The following LDB2 variants were observed in gnomAD, a reference collection of about 807,000 sequenced individuals.
LDB2 encodes LIM domain binding 2.
In LDB2, 12 loss-of-function variants were observed where a neutral mutation model predicts 44.3. The observed-to-expected ratio is 0.27, with a 90% CI of 0.17 to 0.44. The LOEUF is 0.44. Ranked by LOEUF, LDB2 falls within the 20% of genes least tolerant of loss-of-function variation. The probability of loss-of-function intolerance (pLI) is 1.00; values close to 1 mark genes in which losing one functional copy is unlikely to be tolerated. For missense variants in LDB2, 344 were observed against 473.5 expected (o/e 0.73, Z 2.54); for synonymous variants, 164 against 174.8 (o/e 0.94, Z 0.49).
intron 2 of LDB2, among the ~76,000 whole-genome samples, chr4:16,683,269 T>C (rs1161167232): frequency 6.6e-6 from 1 of 152,256 alleles, no homozygotes; most frequent in Non-Finnish European, 1.5e-5. Flanking sequence ...TAGGCGTACT[T>C]CCTGCCTTAA....
intron 1 of LDB2, among the ~76,000 whole-genome samples, chr4:16,868,539 A>T (rs754251804): frequency 2.0e-5 from 3 of 152,186 alleles, no homozygotes; most frequent in Non-Finnish European, 2.9e-5. Context: ...TGGTGGCAGA[A>T]TCTTAAGGCA....
chr4:16,645,522 C>T (rs1736524831), intron 2 of LDB2, among the ~76,000 whole-genome samples: 1 of 116,800 alleles, frequency 8.6e-6, no homozygotes, highest in African/African-American at 3.3e-5. Flanking sequence ...CCGGCCTGGG[C>T]GACAGAGCGA....
chr4:16,820,133 G>C (rs1781667081), intron 1 of LDB2, among the ~76,000 whole-genome samples: 1 of 152,106 alleles, frequency 6.6e-6, no homozygotes, highest in Non-Finnish European at 1.5e-5. Context: ...GGACTTTTGG[G>C]GAAAATGTAA....
intron 2 of LDB2, among the ~76,000 whole-genome samples, chr4:16,752,062 G>A (rs1244150405): frequency 2.0e-5 from 3 of 152,152 alleles, no homozygotes; most frequent in East Asian, 3.8e-4. Flanking sequence ...ATGGTCCAGG[G>A]TCATCTGAGA....
chr4:16,773,907 C>A (rs1281439373), intron 1 of LDB2, among the ~76,000 whole-genome samples: 1 of 150,578 alleles, frequency 6.6e-6, no homozygotes, highest in Non-Finnish European at 1.5e-5. Context: ...GTAATCCCAG[C>A]ACTTTGGGAG....
chr4:16,585,849 G>A (rs1193730199), intron 5 of LDB2, 73 bp downstream of exon 5: 1 of 1,126,124 alleles, frequency 8.9e-7, no homozygotes, highest in African/African-American at 1.5e-5. Flanking sequence ...TAACTTCTTG[G>A]TTCAGGATGC....
intron 2 of LDB2, among the ~76,000 whole-genome samples, chr4:16,690,513 GGGA>G: frequency 4.7e-5 from 1 of 21,302 alleles, no homozygotes; most frequent in African/African-American, 1.3e-4. Flanking sequence ...GAGGGAGGGA[GGGA>G]GGGGGGAGGG....
intron 5 of LDB2, among the ~76,000 whole-genome samples, chr4:16,546,164 A>G (rs903668788): frequency 6.6e-6 from 1 of 152,214 alleles, no homozygotes; most frequent in African/African-American, 2.4e-5. Flanking sequence ...CCTTGGGATC[A>G]GTTTGATGCA....
At chr4:16,522,257 C>G (rs964786220) in intron 5 of LDB2, among the ~76,000 whole-genome samples, 2 of 91,338 alleles carry the variant, frequency 2.2e-5, no homozygotes, top group Admixed American at 1.0e-4. Flanking sequence ...TATAGATATT[C>G]CCCGCCGTGT....
chr4:16,655,520 G>T (rs1197678640), intron 2 of LDB2, among the ~76,000 whole-genome samples: 1 of 152,138 alleles, frequency 6.6e-6, no homozygotes, highest in Non-Finnish European at 1.5e-5. Context: ...ACAATCGTCC[G>T]TTACACAAAT....
chr4:16,766,444 G>A (rs1769235287), intron 1 of LDB2, among the ~76,000 whole-genome samples: 1 of 147,286 alleles, frequency 6.8e-6, no homozygotes, highest in Non-Finnish European at 1.5e-5. Context: ...ATGTATGTGT[G>A]TGTATATATA....
intron 1 of LDB2, among the ~76,000 whole-genome samples, chr4:16,878,394 T>A (rs1158297412): frequency 6.6e-6 from 1 of 152,192 alleles, no homozygotes; most frequent in Non-Finnish European, 1.5e-5. Context: ...CCACTTATAC[T>A]CAACACCTTC....
Position 16,663,562 on chromosome 4 carries a change from G to A in LDB2, c.236-67687C>T, listed in dbSNP as rs943224851. The stretch of plus-strand genomic sequence containing the variant: ...TGACATGTGCAAATATAATTTGGAT[G>A]GTTTTGTTTCAAAGCACAATGCATG... On this transcript the variant is annotated intron_variant, in intron 2 of 7. Coordinates refer to ENST00000304523, the MANE Select transcript of LDB2 (RefSeq NM_001290.5). Among the ~76,000 whole-genome samples, 4 of 152,166 alleles carry A rather than the reference G, an allele frequency of 2.6e-5. No individual in the cohort carries two copies. The East Asian group carries it at 7.7e-4, about 29-fold the overall frequency.
At chr4:16,748,130 C>G (rs1250922319) in intron 2 of LDB2, among the ~76,000 whole-genome samples, 1 of 152,088 alleles carries the variant, frequency 6.6e-6, no homozygotes, top group Non-Finnish European at 1.5e-5. Context: ...GCTTTATCAC[C>G]AGGCTCCCAG....
At chr4:16,659,671 G>GTGTGTATA (rs1315288524) in intron 2 of LDB2, among the ~76,000 whole-genome samples, 13 of 133,512 alleles carry the variant, frequency 9.7e-5, no homozygotes, top group African/African-American at 3.0e-4. Context: ...ATCTATGTGT[G>GTGTGTATA]TATATATATA....
chr4:16,710,814 G>C (rs756430369), intron 2 of LDB2, among the ~76,000 whole-genome samples: 34 of 152,118 alleles, frequency 2.2e-4, no homozygotes, highest in Non-Finnish European at 1.2e-4. Context: ...CCAGCCCACT[G>C]TTTACTGCCC....
intron 1 of LDB2, among the ~76,000 whole-genome samples, chr4:16,812,582 T>TTATATATATATATATATA (rs6148319): frequency 1.7e-3 from 199 of 115,516 alleles, no homozygotes; most frequent in African/African-American, 5.3e-3. Flanking sequence ...ATCAATGAAA[T>TTATATATATATATATATA]TATATATATA....
intron 2 of LDB2, among the ~76,000 whole-genome samples, chr4:16,643,606 TA>T (rs1735832330): frequency 6.6e-6 from 1 of 152,216 alleles, no homozygotes; most frequent in Non-Finnish European, 1.5e-5. Context: ...AGATCATGCC[TA>T]AAAATATAGT....
chr4:16,809,343 T>A (rs1779344938), intron 1 of LDB2, among the ~76,000 whole-genome samples: 2 of 152,202 alleles, frequency 1.3e-5, no homozygotes, highest in South Asian at 4.1e-4. Context: ...GCTCATATGG[T>A]AAAAAAATGT....
Sources: allele counts gnomAD v4.1 joint callset (sites outside exome capture counted in the v4.1 genomes callset), GRCh38; gene constraint gnomAD v4.1.1; transcripts MANE v1.5; gene names NCBI Gene and HGNC (gene_info 2026-07-23, HGNC 2026-07-21).